The following KIF16B variants were observed in gnomAD, a reference collection of about 807,000 sequenced individuals.
KIF16B encodes kinesin-like protein KIF16B.
Under a neutral mutation model 156.3 loss-of-function variants are expected in KIF16B, and 98 were observed. The ratio of observed to expected loss-of-function variants is 0.63; its 90% confidence interval spans 0.53 to 0.74. KIF16B has a LOEUF of 0.74. KIF16B is among the 30% of genes least tolerant of loss of function. KIF16B has a pLI of 0.00. For missense variants in KIF16B, 1,421 were observed against 1,606.5 expected (o/e 0.88, Z 1.97); for synonymous variants, 564 against 583.7 (o/e 0.97, Z 0.49).
chr20:16,484,619 A>G (rs2068066937), intron 12 of KIF16B, among the ~76,000 whole-genome samples: 1 of 152,224 alleles, frequency 6.6e-6, no homozygotes, highest in Non-Finnish European at 1.5e-5. Context: ...CCAATGAGAT[A>G]GTATATGTAA....
At chr20:16,449,166 G>A (rs987656564) in intron 12 of KIF16B, among the ~76,000 whole-genome samples, 1 of 152,208 alleles carries the variant, frequency 6.6e-6, no homozygotes, top group East Asian at 1.9e-4. Context: ...TGAGGGACAA[G>A]CTACACTGAA....
At chr20:16,504,823 T>C (rs1207341134) in intron 9 of KIF16B, among the ~76,000 whole-genome samples, 11 of 152,122 alleles carry the variant, frequency 7.2e-5, no homozygotes, top group Non-Finnish European at 1.0e-4. Context: ...GTTAGGTAGT[T>C]TTCCCTGCTG....
At chr20:16,522,686 G>A (rs1034348140) in intron 3 of KIF16B, among the ~76,000 whole-genome samples, 2 of 152,144 alleles carry the variant, frequency 1.3e-5, no homozygotes, top group Non-Finnish European at 2.9e-5. Context: ...GATAGCTATA[G>A]AACTCTCCAC....
intron 1 of KIF16B, among the ~76,000 whole-genome samples, chr20:16,551,837 C>T (rs974386542): frequency 1.3e-5 from 2 of 152,098 alleles, no homozygotes; most frequent in African/African-American, 4.8e-5. Flanking sequence ...AGAAAGCAGG[C>T]CCCCCTCCCA....
intron 12 of KIF16B, among the ~76,000 whole-genome samples, chr20:16,456,334 T>C (rs938048824): frequency 6.6e-6 from 1 of 152,180 alleles, no homozygotes; most frequent in African/African-American, 2.4e-5. Context: ...ATGACATTAA[T>C]GTCTTTGCAA....
chr20:16,486,110 A>G (rs2068106781), intron 12 of KIF16B, among the ~76,000 whole-genome samples: 1 of 152,170 alleles, frequency 6.6e-6, no homozygotes, highest in Non-Finnish European at 1.5e-5. Context: ...ACTAGATGAG[A>G]CTATGGGAGC....
chr20:16,288,925 G>T (rs2063271623), intron 25 of KIF16B, among the ~76,000 whole-genome samples: 1 of 132,568 alleles, frequency 7.5e-6, no homozygotes, highest in African/African-American at 2.8e-5. Context: ...ATCATAAGTG[G>T]AGGAGTATCT....
At chr20:16,458,811 A>G (rs777495264) in intron 12 of KIF16B, among the ~76,000 whole-genome samples, 2 of 151,926 alleles carry the variant, frequency 1.3e-5, no homozygotes, top group Admixed American at 1.3e-4. Context: ...CCCATTAGCC[A>G]CTCTGCAAGA....
At chr20:16,312,902 C>T (rs1196678651) in intron 24 of KIF16B, among the ~76,000 whole-genome samples, 5 of 151,506 alleles carry the variant, frequency 3.3e-5, no homozygotes, top group Non-Finnish European at 7.4e-5. Context: ...TCTAAATATT[C>T]AGTATTGCCT....
At chr20:16,551,539 G>A (rs1181733975) in intron 1 of KIF16B, among the ~76,000 whole-genome samples, 1 of 152,186 alleles carries the variant, frequency 6.6e-6, no homozygotes, top group Non-Finnish European at 1.5e-5. Flanking sequence ...GGCCCTAAAG[G>A]TGTGCAACTT....
In KIF16B at chr20:16,508,241, G is replaced by T. The variant is rs559458382; in HGVS notation, c.557-141C>A. On this transcript the variant is annotated intron_variant, in intron 6 of 25. Coordinates refer to ENST00000354981, the MANE Select transcript of KIF16B (RefSeq NM_024704.5). ...CCTCACTTGTCTCTCTAGGGTGGTG[G>T]TATGTAATGCAGACCTGGGAGCTGG... 22 of 942,810 alleles carry T rather than the reference G, an allele frequency of 2.3e-5. No individual in the cohort carries two copies. In the East Asian group the frequency reaches 4.8e-4, roughly 21 times the overall value. 58.4% of individuals were successfully genotyped at this position (942,810 alleles called of 1,614,324 possible).
At chr20:16,521,878 A>C (rs1490034677) in intron 3 of KIF16B, among the ~76,000 whole-genome samples, 1 of 152,200 alleles carries the variant, frequency 6.6e-6, no homozygotes, top group Non-Finnish European at 1.5e-5. Context: ...AACATTCTTA[A>C]AGAAAAGAAT....
chr20:16,495,174 T>C (rs948518056), intron 11 of KIF16B, among the ~76,000 whole-genome samples: 4 of 152,182 alleles, frequency 2.6e-5, no homozygotes, highest in Non-Finnish European at 4.4e-5. Flanking sequence ...GGAGAACTCA[T>C]CCTTTCCAAG....
chr20:16,558,311 T>C (rs2070928520), intron 1 of KIF16B, among the ~76,000 whole-genome samples: 1 of 152,206 alleles, frequency 6.6e-6, no homozygotes, highest in Admixed American at 6.5e-5. Flanking sequence ...TCCTAGCCAG[T>C]AACAACAGGT....
chr20:16,517,245 AC>A (rs766634724), intron 3 of KIF16B, among the ~76,000 whole-genome samples: 4 of 152,208 alleles, frequency 2.6e-5, no homozygotes, highest in Non-Finnish European at 5.9e-5. Context: ...AAAGATTTCA[AC>A]AAACTGTTAT....
chr20:16,406,596 C>T, intron 15 of KIF16B, 140 bp from the exon 16 acceptor site: 1 of 772,358 alleles, frequency 1.3e-6, no homozygotes, highest in Non-Finnish European at 2.1e-6. Flanking sequence ...TCTCAAAAGT[C>T]TGCTTACTTA....
At chr20:16,483,049 T>C (rs2068022892) in intron 12 of KIF16B, among the ~76,000 whole-genome samples, 1 of 152,112 alleles carries the variant, frequency 6.6e-6, no homozygotes, top group African/African-American at 2.4e-5. Context: ...GGTTCAGAAA[T>C]GCACCATTCA....
At chr20:16,383,928 C>A (rs954019941) in intron 17 of KIF16B, among the ~76,000 whole-genome samples, 6 of 152,186 alleles carry the variant, frequency 3.9e-5, no homozygotes, top group Non-Finnish European at 8.8e-5. Context: ...TTTCTAGAAA[C>A]AGGTTTTGTG....
intron 25 of KIF16B, among the ~76,000 whole-genome samples, chr20:16,306,855 G>A (rs978647510): frequency 3.9e-5 from 6 of 152,116 alleles, no homozygotes; most frequent in African/African-American, 1.2e-4. Flanking sequence ...TGTTGTATAT[G>A]CAATCACATT....
Sources: allele counts gnomAD v4.1 joint callset (sites outside exome capture counted in the v4.1 genomes callset), GRCh38; gene constraint gnomAD v4.1.1; transcripts MANE v1.5; gene names NCBI Gene and HGNC (gene_info 2026-07-23, HGNC 2026-07-21).